Variants in PDE10A observed in about 807,000 individuals in gnomAD.
The protein encoded by PDE10A is cAMP and cAMP-inhibited cGMP 3',5'-cyclic phosphodiesterase 10A.
Under a neutral mutation model 97.7 loss-of-function variants are expected in PDE10A, and 39 were observed. That is an observed-to-expected ratio of 0.40 (90% CI 0.31 to 0.52). The LOEUF (loss-of-function observed/expected upper bound fraction) is 0.52, where lower values mean the gene tolerates loss of function less well. PDE10A is among the 20% of genes least tolerant of loss of function. PDE10A has a pLI of 0.56. For synonymous variants in PDE10A, 371 were observed against 376.8 expected (o/e 0.98, Z 0.18); for missense variants, 731 against 1,047.8 (o/e 0.70, Z 4.17).
At chr6:165,650,761 ATT>A (rs144321034) in intron 1 of PDE10A, among the ~76,000 whole-genome samples, 18,813 of 147,754 alleles carry the variant, frequency 0.13, 1,533 homozygotes, top group East Asian at 0.3. Flanking sequence ...GGTTACATGC[ATT>A]TTTTTTTTTT....
chr6:165,544,658 A>G (rs1783643789), intron 1 of PDE10A, among the ~76,000 whole-genome samples: 1 of 152,054 alleles, frequency 6.6e-6, no homozygotes, highest in Non-Finnish European at 1.5e-5. Flanking sequence ...TCCAGAGAGT[A>G]GGCTGTATGT....
chr6:165,607,167 T>C (rs1307682175), intron 1 of PDE10A, among the ~76,000 whole-genome samples: 3 of 152,220 alleles, frequency 2.0e-5, no homozygotes, highest in Admixed American at 6.5e-5. Flanking sequence ...ATGGTGCTAA[T>C]GGTGCACAGG....
At position 165,328,813 on chromosome 6, in the gene PDE10A, A is replaced by C. The variant is rs2128169843; in HGVS notation, c.*4212T>G. 1 of 152,326 alleles carries C rather than the reference A, an allele frequency of 6.6e-6. No homozygotes were observed. Among genetic ancestry groups the C allele is most frequent in the South Asian group, 2.1e-4 (1 of 4,828 alleles). The allele number at this position is 152,326 out of a possible 1,614,324, so 9.4% of individuals were successfully genotyped here. A position where few individuals can be genotyped will look rare whatever the true frequency, so the allele number is the denominator to read the frequency against. ...TGCTTCCAACGCTACAGACAACCAA[A>C]ATATTCCGTTGGAAAAAAGACAAAA... On this transcript the variant is annotated 3_prime_UTR_variant, in exon 22 of 22. Transcript: ENST00000539869.
intron 1 of PDE10A, among the ~76,000 whole-genome samples, chr6:165,546,629 T>C (rs1266670319): frequency 6.6e-6 from 1 of 152,090 alleles, no homozygotes. Flanking sequence ...AGCACCACAC[T>C]CTAGTTGATA....
At chr6:165,765,563 C>A (rs1171635395) in intron 1 of PDE10A, among the ~76,000 whole-genome samples, 5 of 145,246 alleles carry the variant, frequency 3.4e-5, no homozygotes, top group Non-Finnish European at 6.1e-5. Context: ...CCGGCAGGGC[C>A]GGCTGGCTGC....
At position 165,662,348 on chromosome 6, in the gene PDE10A, C is replaced by CCCGCCG. The variant is rs879175879; in HGVS notation, c.458_463dup (p.Ala153_Ala154dup). 6.2e-5 allele frequency: 10 copies of CCCGCCG among 161,820 alleles called. No homozygotes were observed. The East Asian group carries it at 7.4e-4, about 12-fold the overall frequency. 10.0% of individuals were successfully genotyped at this position (161,820 alleles called of 1,614,324 possible). On this transcript the variant is annotated inframe_insertion, in exon 1 of 22. Transcript: ENST00000539869. ...TCCTCCGCCAGCATCGCCGCCTCCT[C>CCCGCCG]CCGCCGCCGCCGCCGCCGCTGCGCC...
At chr6:165,567,054 G>A (rs532494163) in intron 1 of PDE10A, among the ~76,000 whole-genome samples, 45 of 152,274 alleles carry the variant, frequency 3.0e-4, no homozygotes, top group African/African-American at 9.4e-4. Context: ...CCAAATATCC[G>A]TCAACATTAG....
chr6:165,617,311 A>C (rs933000346), intron 1 of PDE10A, among the ~76,000 whole-genome samples: 1 of 152,208 alleles, frequency 6.6e-6, no homozygotes, highest in Non-Finnish European at 1.5e-5. Flanking sequence ...CATTGCATCT[A>C]CCGAAGTGCC....
chr6:165,599,359 C>G (rs1282263351), intron 1 of PDE10A, among the ~76,000 whole-genome samples: 3 of 152,214 alleles, frequency 2.0e-5, no homozygotes, highest in Admixed American at 1.3e-4. Flanking sequence ...ATGACTCTTT[C>G]TCTGTTGCAC....
At chr6:165,920,912 G>A (rs892184932) in intron 1 of PDE10A, among the ~76,000 whole-genome samples, 1 of 152,098 alleles carries the variant, frequency 6.6e-6, no homozygotes, top group Non-Finnish European at 1.5e-5. Context: ...GACACAAATA[G>A]CACTCTCCTC....
intron 1 of PDE10A, among the ~76,000 whole-genome samples, chr6:165,692,443 C>T (rs1052476291): frequency 6.6e-5 from 10 of 152,292 alleles, no homozygotes; most frequent in Admixed American, 2.6e-4. Context: ...TGGTCACTAC[C>T]GGGACTTGCT....
At chr6:165,415,777 G>A (rs186776011) in intron 12 of PDE10A, among the ~76,000 whole-genome samples, 4 of 152,184 alleles carry the variant, frequency 2.6e-5, no homozygotes, top group Non-Finnish European at 5.9e-5. Context: ...TGACAGAACC[G>A]TGCTTCAAAG....
chr6:165,791,518 T>G (rs1251190820), intron 1 of PDE10A, among the ~76,000 whole-genome samples: 1 of 152,178 alleles, frequency 6.6e-6, no homozygotes, highest in Non-Finnish European at 1.5e-5. Flanking sequence ...TCTTCCATGG[T>G]AAATGCCCCT....
chr6:165,923,442 C>T (rs1266805822), intron 1 of PDE10A, among the ~76,000 whole-genome samples: 1 of 152,182 alleles, frequency 6.6e-6, no homozygotes, highest in East Asian at 1.9e-4. Context: ...ACAGCACCGT[C>T]GATATGTAGA....
At chr6:165,709,311 TCCCC>T (rs1791822907) in intron 1 of PDE10A, among the ~76,000 whole-genome samples, 1 of 102,974 alleles carries the variant, frequency 9.7e-6, no homozygotes, top group South Asian at 3.6e-4. Flanking sequence ...TGCGGCGCTC[TCCCC>T]CCACTCCACC....
intron 1 of PDE10A, among the ~76,000 whole-genome samples, chr6:165,608,274 C>G (rs1787321731): frequency 7.7e-6 from 1 of 129,368 alleles, no homozygotes; most frequent in African/African-American, 2.9e-5. Flanking sequence ...CCCCACCCCA[C>G]AACAGGCGCC....
intron 1 of PDE10A, among the ~76,000 whole-genome samples, chr6:165,623,725 C>T (rs1788256922): frequency 1.3e-5 from 2 of 151,088 alleles, no homozygotes; most frequent in African/African-American, 4.9e-5. Context: ...TCCCTCCCCT[C>T]CTCCCTCATG....
intron 1 of PDE10A, among the ~76,000 whole-genome samples, chr6:165,844,448 T>C (rs1176295001): frequency 6.6e-6 from 1 of 152,222 alleles, no homozygotes; most frequent in Non-Finnish European, 1.5e-5. Flanking sequence ...TGAAATTTAA[T>C]AGGGAGCACC....
In PDE10A at chr6:165,839,559, C is replaced by A. The variant is rs184588979; in HGVS notation, c.-615+147970G>T. ...GAAACAATTCCGAAAGATGAGAGTG[C>A]TCTCTACGTAAGTCCACAGTGGGAA... On this transcript the variant is annotated intron_variant, in intron 1 of 19. Transcript: ENST00000366882. 5.3e-5 allele frequency among the ~76,000 whole-genome samples: 8 copies of A among 152,266 alleles called. No homozygotes were observed. In the East Asian group the frequency reaches 1.2e-3, roughly 22 times the overall value.
Sources: allele counts gnomAD v4.1 joint callset (sites outside exome capture counted in the v4.1 genomes callset), GRCh38; gene constraint gnomAD v4.1.1; transcripts MANE v1.5; gene names NCBI Gene and HGNC (gene_info 2026-07-23, HGNC 2026-07-21).